Variants in COL4A2 observed in about 807,000 individuals in gnomAD.
The protein encoded by COL4A2 is collagen alpha-2(IV) chain.
A neutral mutation model predicts 200.2 loss-of-function variants in COL4A2; 99 were observed. That is an observed-to-expected ratio of 0.49 (90% CI 0.42 to 0.58). COL4A2 has a LOEUF of 0.58. Among genes scored for constraint, COL4A2 ranks in the 20% least tolerant of loss-of-function variants. COL4A2 has a pLI of 0.00. For missense variants in COL4A2, 1,950 were observed against 2,314.1 expected, an observed-to-expected ratio of 0.84 and a Z score of 3.23; for synonymous variants, 897 against 900.6, an observed-to-expected ratio of 1.00 and a Z score of 0.07.
At chr13:110,473,219 T>A (rs931991950) in intron 29 of COL4A2, 69 bp downstream of exon 29, 1 of 1,434,072 alleles carries the variant, frequency 7.0e-7, no homozygotes, top group African/African-American at 1.4e-5. Flanking sequence ...GCGACCCCAA[T>A]CCCTTCCGGG....
chr13:110,343,271 C>T (rs566228500), intron 3 of COL4A2, among the ~76,000 whole-genome samples: 25 of 152,278 alleles, frequency 1.6e-4, no homozygotes, highest in African/African-American at 4.6e-4. Context: ...TAACGGAGTG[C>T]TGCCTGCGCC....
At chr13:110,501,541 G>A (rs1883640312) in intron 40 of COL4A2, 127 bp from the exon 41 acceptor site, 1 of 865,188 alleles carries the variant, frequency 1.2e-6, no homozygotes, top group African/African-American at 1.6e-5. Flanking sequence ...TGGCCTGAGG[G>A]CACCTCCCAT....
At chr13:110,336,690 T>G (rs1876207258) in intron 3 of COL4A2, among the ~76,000 whole-genome samples, 1 of 152,156 alleles carries the variant, frequency 6.6e-6, no homozygotes, top group African/African-American at 2.4e-5. Context: ...GGGGGTGGCA[T>G]CTCATCTGCA....
intron 3 of COL4A2, among the ~76,000 whole-genome samples, chr13:110,315,568 G>A (rs985857467): frequency 4.6e-5 from 7 of 152,028 alleles, no homozygotes; most frequent in East Asian, 1.9e-4. Flanking sequence ...GCTAACTTAC[G>A]TATTTTTAGT....
intron 29 of COL4A2, among the ~76,000 whole-genome samples, chr13:110,477,259 A>G (rs908870604): frequency 1.2e-4 from 18 of 152,252 alleles, no homozygotes; most frequent in Non-Finnish European, 1.5e-5. Context: ...ACCAGGAGAA[A>G]GAAACGTAGA....
rs574355537 is a variant in COL4A2 at position 110,471,298 on chromosome 13, G to A, written c.2204-1631G>A. 3.2e-4 allele frequency among the ~76,000 whole-genome samples: 49 copies of A among 152,206 alleles called. 1 individual carries two copies. Among genetic ancestry groups the A allele is most frequent in the Non-Finnish European group, 4.3e-4 (29 of 68,032 alleles). On this transcript the variant is annotated intron_variant, in intron 28 of 47. Coordinates refer to ENST00000360467, the MANE Select transcript of COL4A2 (RefSeq NM_001846.4). ...TCAGGTGATTTGGACAGTTGCCCAC[G>A]TGAGTTGGGAGCCTGTTCCACCATC... is the stretch of plus-strand genomic sequence containing the variant.
chr13:110,349,110 C>CTATA (rs775743588), intron 3 of COL4A2, among the ~76,000 whole-genome samples: 3 of 152,052 alleles, frequency 2.0e-5, no homozygotes, highest in Non-Finnish European at 4.4e-5. Context: ...TGTTCCCTTG[C>CTATA]TATATGTTGA....
intron 28 of COL4A2, 102 bp from the exon 29 acceptor site, chr13:110,472,827 C>A (rs1882529998): frequency 4.6e-6 from 5 of 1,081,862 alleles, no homozygotes; most frequent in Non-Finnish European, 6.9e-6. Context: ...TTCTGAGGAC[C>A]CCATAGCCAA....
intron 3 of COL4A2, among the ~76,000 whole-genome samples, chr13:110,311,717 T>A (rs971621556): frequency 6.6e-6 from 1 of 152,214 alleles, no homozygotes; most frequent in African/African-American, 2.4e-5. Flanking sequence ...GCTCTGAGCA[T>A]TGTCACCTAT....
intron 4 of COL4A2, among the ~76,000 whole-genome samples, chr13:110,387,800 G>A (rs1409715165): frequency 2.6e-5 from 4 of 152,254 alleles, no homozygotes; most frequent in Admixed American, 6.5e-5. Flanking sequence ...GGCCCCTCCC[G>A]CCCAGCTGCT....
At chr13:110,475,739 G>A (rs1437254356) in intron 29 of COL4A2, among the ~76,000 whole-genome samples, 1 of 152,232 alleles carries the variant, frequency 6.6e-6, no homozygotes, top group African/African-American at 2.4e-5. Context: ...GGCTGTGCAG[G>A]ACGGCCACAA....
chr13:110,476,041 C>T (rs768741706), intron 29 of COL4A2, among the ~76,000 whole-genome samples: 7 of 152,228 alleles, frequency 4.6e-5, no homozygotes, highest in South Asian at 2.1e-4. Context: ...GGAAGGGCAG[C>T]GCTCAGAAGC....
At position 110,495,380 on chromosome 13, in the gene COL4A2, C is replaced by T. The variant is rs1883423642; in HGVS notation, c.3673C>T (p.Pro1225Ser). The change falls in exon 40 of 48, where the codon CCT becomes TCT. Residue 1225 changes from proline to serine, a missense_variant. Physicochemically the swap from Pro to Ser is moderately conservative, Grantham distance 74. Around this residue, in one of 2 missense-constraint regions of COL4A2, gnomAD observed 1,385 missense variants for 1,720.5 expected, o/e 0.80. Coordinates refer to ENST00000360467, the MANE Select transcript of COL4A2 (RefSeq NM_001846.4). ...IHGDPGFPGP[P>S]GERGDPGEAN... is the part of the protein sequence containing the mutation. Reference sequence around the variant, plus strand: ...CGGAGACCCAGGCTTCCCAGGCCCTCCTGGGGAAAGAGGTGACCCAGGAGA... The same window carrying T: ...CGGAGACCCAGGCTTCCCAGGCCCTTCTGGGGAAAGAGGTGACCCAGGAGA... The T allele has an allele frequency of 6.2e-7, 1 of 1,614,160 alleles. No individual in the cohort carries two copies. Among genetic ancestry groups the T allele is most frequent in the Admixed American group, 1.7e-5 (1 of 60,024 alleles).
intron 8 of COL4A2, 174 bp from the exon 9 acceptor site, chr13:110,430,227 T>A: frequency 1.2e-6 from 1 of 809,670 alleles, no homozygotes; most frequent in Non-Finnish European, 1.7e-6. Flanking sequence ...ATTACTAAAA[T>A]ATATTCTGAC....
chr13:110,393,239 T>C (rs773453367), intron 4 of COL4A2, among the ~76,000 whole-genome samples: 3 of 152,234 alleles, frequency 2.0e-5, no homozygotes, highest in Non-Finnish European at 4.4e-5. Flanking sequence ...ACAAGCTCAT[T>C]TTAAAGGCTA....
rs144498019 is a variant in COL4A2, at chr13:110,346,527, C to T, written c.100-10945C>T. Among the ~76,000 whole-genome samples the T allele has an allele frequency of 8.1e-3, 1,234 of 152,284 alleles. 13 individuals carry two copies. Among genetic ancestry groups the T allele is most frequent in the East Asian group, 0.045 (234 of 5,164 alleles). ...AGACAGGCAAGGAAACCTTCAAATG[C>T]AGGCAACTCATATTTCGACGGGGCA... is the stretch of plus-strand genomic sequence containing the variant. On this transcript the variant is annotated intron_variant, in intron 3 of 47. Coordinates refer to ENST00000360467, the MANE Select transcript of COL4A2 (RefSeq NM_001846.4).
chr13:110,316,650 A>G (rs2139345953), intron 3 of COL4A2, among the ~76,000 whole-genome samples: 1 of 152,256 alleles, frequency 6.6e-6, no homozygotes, highest in South Asian at 2.1e-4. Context: ...AAACATAGCA[A>G]ATCCTGTTTG....
chr13:110,332,727 T>G (rs1875984022), intron 3 of COL4A2, among the ~76,000 whole-genome samples: 1 of 152,256 alleles, frequency 6.6e-6, no homozygotes, highest in Non-Finnish European at 1.5e-5. Flanking sequence ...GTTGCCATCC[T>G]TAAAAACTCT....
At chr13:110,355,079 A>C (rs190897778) in intron 3 of COL4A2, among the ~76,000 whole-genome samples, 90 of 152,326 alleles carry the variant, frequency 5.9e-4, no homozygotes, top group African/African-American at 2.1e-3. Flanking sequence ...GGTAAAATAC[A>C]ATTTGCTTAA....
Sources: gnomAD v4.1 joint callset for allele counts (sites outside exome capture counted in the v4.1 genomes callset) on GRCh38, gnomAD v4.1.1 for gene constraint, gnomAD v4.1.1 regional missense constraint, MANE v1.5 for transcripts, NCBI Gene and HGNC (gene_info 2026-07-23, HGNC 2026-07-21) for gene names.